ALK: variants seen among roughly 807,000 people sequenced by gnomAD.
ALK encodes ALK receptor tyrosine kinase.
Under a neutral mutation model 163.1 loss-of-function variants are expected in ALK, and 74 were observed. That is an observed-to-expected ratio of 0.45 (90% CI 0.38 to 0.55). ALK has a LOEUF of 0.55. Among genes scored for constraint, ALK ranks in the 20% least tolerant of loss-of-function variants. ALK has a pLI of 0.00. For synonymous variants in ALK, 960 were observed against 843.2 expected, an observed-to-expected ratio of 1.14 and a Z score of -2.40; for missense variants, 2,063 against 2,105.3, an observed-to-expected ratio of 0.98 and a Z score of 0.39.
At chr2:29,240,369 G>A (rs13412141) in intron 12 of ALK, among the ~76,000 whole-genome samples, 3,392 of 152,182 alleles carry the variant, frequency 0.022, 115 homozygotes, top group African/African-American at 0.077. Context: ...TGTGCTATGA[G>A]GATTAAAGAA....
At chr2:29,445,291 G>A (rs1212429718) in intron 4 of ALK, among the ~76,000 whole-genome samples, 1 of 152,210 alleles carries the variant, frequency 6.6e-6, no homozygotes, top group Non-Finnish European at 1.5e-5. Context: ...GATGCACGGA[G>A]AAGAAAAGAA....
intron 6 of ALK, among the ~76,000 whole-genome samples, chr2:29,324,831 C>G (rs548505868): frequency 1.3e-5 from 2 of 152,002 alleles, no homozygotes; most frequent in African/African-American, 4.8e-5. Context: ...GAGAGGGGAC[C>G]GAGAGTACTG....
chr2:29,409,577 G>A (rs1669678787), intron 4 of ALK, among the ~76,000 whole-genome samples: 1 of 152,104 alleles, frequency 6.6e-6, no homozygotes, highest in Non-Finnish European at 1.5e-5. Flanking sequence ...CAAGCCCAGA[G>A]CTTCCTTAAT....
chr2:29,861,818 G>A (rs567722408), intron 1 of ALK, among the ~76,000 whole-genome samples: 1 of 152,162 alleles, frequency 6.6e-6, no homozygotes, highest in East Asian at 1.9e-4. Flanking sequence ...GCCAGACAAG[G>A]ATACTACAAG....
chr2:29,266,886 C>T (rs1665235420), intron 11 of ALK, among the ~76,000 whole-genome samples: 1 of 152,194 alleles, frequency 6.6e-6, no homozygotes, highest in South Asian at 2.1e-4. Flanking sequence ...TCGTCTCCAG[C>T]ATGGAGAAGC....
intron 5 of ALK, among the ~76,000 whole-genome samples, chr2:29,358,875 C>T (rs1573278015): frequency 6.6e-6 from 1 of 152,202 alleles, no homozygotes; most frequent in East Asian, 1.9e-4. Context: ...TCTGTGAGGA[C>T]CAACAATTCC....
At chr2:29,569,053 G>C (rs957776431) in intron 3 of ALK, among the ~76,000 whole-genome samples, 43 of 152,138 alleles carry the variant, frequency 2.8e-4, no homozygotes, top group Non-Finnish European at 5.7e-4. Flanking sequence ...AAAGAGGAAG[G>C]CCAGAGACTG....
chr2:29,444,489 G>A (rs144046297), intron 4 of ALK, among the ~76,000 whole-genome samples: 1 of 152,286 alleles, frequency 6.6e-6, no homozygotes, highest in East Asian at 1.9e-4. Context: ...TGGGTGCCCA[G>A]GAGACAACAG....
chr2:29,251,256 A>G lies in ALK; in HGVS notation c.2053T>C (p.Phe685Leu), dbSNP rs761545025. Residue 685 changes from phenylalanine (F) to leucine (L), a missense_variant, in exon 12 of 29, where the codon TTC becomes CTC. By Grantham distance (22) the Phe-to-Leu change is conservative. Transcript: ENST00000389048. Reference protein sequence around the residue: ...PIFDPTVHWLFTTCGASGPHG... With the variant: ...PIFDPTVHWLLTTCGASGPHG... ...GGCCCGCTGGCCCCACATGTGGTGAACAGCCAATGAACTGTGGCACAAGAG... is the reference window on the plus strand; with the variant it reads ...GGCCCGCTGGCCCCACATGTGGTGAGCAGCCAATGAACTGTGGCACAAGAG... The G allele has an allele frequency of 6.2e-7, 1 of 1,613,040 alleles. No individual in the cohort carries two copies. The highest frequency in any genetic ancestry group is 1.1e-5 in the South Asian group (1 of 90,940).
chr2:29,445,745 C>T (rs184256913), intron 4 of ALK, among the ~76,000 whole-genome samples: 2 of 151,968 alleles, frequency 1.3e-5, no homozygotes, highest in Non-Finnish European at 2.9e-5. Flanking sequence ...TCACTTGAAA[C>T]GGGGAGGTGG....
intron 2 of ALK, among the ~76,000 whole-genome samples, chr2:29,716,447 C>G (rs370629027): frequency 6.6e-6 from 1 of 152,218 alleles, no homozygotes; most frequent in Non-Finnish European, 1.5e-5. Flanking sequence ...ATTTGAAATG[C>G]TTCTTCTCTC....
intron 4 of ALK, among the ~76,000 whole-genome samples, chr2:29,421,712 G>C (rs1444406678): frequency 6.6e-6 from 1 of 151,506 alleles, no homozygotes; most frequent in Non-Finnish European, 1.5e-5. Context: ...CTGTATCTCA[G>C]AGAGACCAGA....
At chr2:29,567,723 C>A (rs1674235624) in intron 3 of ALK, among the ~76,000 whole-genome samples, 1 of 152,154 alleles carries the variant, frequency 6.6e-6, no homozygotes, top group African/African-American at 2.4e-5. Flanking sequence ...AAAAATAAAG[C>A]AATTATCTGG....
At chr2:29,452,824 T>C (rs1390552500) in intron 4 of ALK, among the ~76,000 whole-genome samples, 4 of 152,126 alleles carry the variant, frequency 2.6e-5, no homozygotes, top group Non-Finnish European at 5.9e-5. Context: ...TGGGGTCTCC[T>C]CTCCATAATG....
intron 3 of ALK, among the ~76,000 whole-genome samples, chr2:29,625,976 T>C (rs573181012): frequency 1.8e-4 from 28 of 152,282 alleles, no homozygotes; most frequent in African/African-American, 6.7e-4. Flanking sequence ...TCTTAAAACA[T>C]AGGTTTACCA....
intron 5 of ALK, among the ~76,000 whole-genome samples, chr2:29,377,464 G>A (rs1668783403): frequency 9.6e-6 from 1 of 104,056 alleles, no homozygotes; most frequent in Non-Finnish European, 1.8e-5. Context: ...AACAGAGTGA[G>A]ACTACATCTC....
chr2:29,525,286 T>A (rs1337069843), intron 4 of ALK, among the ~76,000 whole-genome samples: 2 of 152,208 alleles, frequency 1.3e-5, no homozygotes, highest in East Asian at 3.9e-4. Flanking sequence ...CACAAGTCCC[T>A]CCCAAGTCTT....
intron 1 of ALK, among the ~76,000 whole-genome samples, chr2:29,876,305 AGTGGTGGTGATGGTGATGGTGGTG>A (rs1210994071): frequency 6.6e-6 from 1 of 152,026 alleles, no homozygotes. Flanking sequence ...TGGTGATGAC[AGTGGTGGTGATGGTGATGGTGGTG>A]GTGGTGGTGA....
At chr2:29,517,945 C>T (rs1672715183) in intron 4 of ALK, among the ~76,000 whole-genome samples, 1 of 152,288 alleles carries the variant, frequency 6.6e-6, no homozygotes, top group African/African-American at 2.4e-5. Context: ...ACTCTGAGAC[C>T]ACCAAGTCAA....
Sources: gnomAD v4.1 joint callset for allele counts (sites outside exome capture counted in the v4.1 genomes callset) on GRCh38, gnomAD v4.1.1 for gene constraint, MANE v1.5 for transcripts, NCBI Gene and HGNC (gene_info 2026-07-23, HGNC 2026-07-21) for gene names.